TRMT2B: variants seen among roughly 807,000 people sequenced by gnomAD.
TRMT2B encodes the protein tRNA methyltransferase 2B.
In TRMT2B, 34 loss-of-function variants were observed where a neutral mutation model predicts 39.7. That is an observed-to-expected ratio of 0.86 (90% confidence interval 0.65 to 1.14). The LOEUF (loss-of-function observed/expected upper bound fraction) is 1.14. Among genes scored for constraint, TRMT2B ranks in the 50% most tolerant of loss-of-function variants. TRMT2B has a pLI of 0.00. For missense variants in TRMT2B, 318 were observed against 377.2 expected (o/e 0.84, Z 1.30); for synonymous variants, 132 against 137.3 (o/e 0.96, Z 0.27).
chrX:101,046,427 T>C (rs1602691287), intron 2 of TRMT2B, among the ~76,000 whole-genome samples: 1 of 110,979 alleles, frequency 9.0e-6, no homozygotes, highest in South Asian at 3.8e-4. Flanking sequence ...AGTGGGGACA[T>C]ATGAAGGCTT....
At chrX:101,005,497 A>T (rs1005891200), downstream of TRMT2B, among the ~76,000 whole-genome samples, 15 of 111,354 alleles carry the variant, frequency 1.3e-4, no homozygotes, top group African/African-American at 4.9e-4. Flanking sequence ...ATTGAATATA[A>T]AGCAGTGCTA....
At position 101,010,232 on chromosome X, in the gene TRMT2B, T is replaced by A. The variant is rs765095649; in HGVS notation, c.*349A>T. ...TTTGAGACCAGCCTGGCCAACATGG[T>A]GAAACCCTGTCTCTACCAAAAATAC... On this transcript the variant is annotated 3_prime_UTR_variant, in exon 14 of 14. Transcript: ENST00000372936. 5.8e-5 allele frequency: 8 copies of A among 137,246 alleles called. No homozygotes were observed. The highest frequency in any genetic ancestry group is 1.2e-4 in the Non-Finnish European group (8 of 68,973). The allele number at this position is 137,246 out of a possible 1,213,427, so 11.3% of individuals were successfully genotyped here.
intron 7 of TRMT2B, among the ~76,000 whole-genome samples, chrX:101,033,557 T>G (rs2087639438): frequency 1.8e-5 from 2 of 109,357 alleles, no homozygotes; most frequent in Non-Finnish European, 3.8e-5. Flanking sequence ...ATCTCGCCAC[T>G]GCACTACAGC....
At chrX:101,028,378 C>G (rs992023642) in intron 7 of TRMT2B, among the ~76,000 whole-genome samples, 7 of 110,865 alleles carry the variant, frequency 6.3e-5, no homozygotes, top group Non-Finnish European at 1.3e-4. Flanking sequence ...CTCAGCCTCC[C>G]AAAGTGCTGG....
At chrX:100,977,435 C>T in the TRMT2B span, among the ~76,000 whole-genome samples, 543 of 93,675 alleles carry the variant, frequency 5.8e-3, no homozygotes, top group Middle Eastern at 0.032. Context: ...GGCTGGAGTG[C>T]AGTGGCACGA....
chrX:101,013,479 C>T (rs958984071), intron 13 of TRMT2B, among the ~76,000 whole-genome samples: 3 of 110,618 alleles, frequency 2.7e-5, no homozygotes, highest in East Asian at 2.8e-4. Context: ...AGGCTGGGTG[C>T]GGTGGCTCAC....
the TRMT2B span, chrX:100,985,597 T>C: frequency 8.8e-7 from 1 of 1,130,538 alleles, no homozygotes. Context: ...CGGAACCGAC[T>C]CTACTCCTGT....
intron 2 of TRMT2B, among the ~76,000 whole-genome samples, chrX:101,045,872 C>T (rs955691151): frequency 2.8e-5 from 3 of 106,886 alleles, no homozygotes; most frequent in Admixed American, 1.0e-4. Context: ...ACAGGCCAGG[C>T]GCAGTGGCTC....
chrX:101,041,949 T>C lies in TRMT2B; in HGVS notation c.248+93A>G, dbSNP rs749394044. 4.9e-4 allele frequency: 533 copies of C among 1,092,761 alleles called. 2 individuals carry two copies. In the South Asian group the frequency reaches 0.011, roughly 23 times the overall value. The allele number at this position is 1,092,761 out of a possible 1,213,427, so 90.1% of individuals were successfully genotyped here. Reference sequence around the variant, plus strand: ...CCTCAGGTGGCCCCTCAAATCCTTGTAATGCTACATTAGTTACACTAGGAA... The same window carrying C: ...CCTCAGGTGGCCCCTCAAATCCTTGCAATGCTACATTAGTTACACTAGGAA... On this transcript the variant is annotated intron_variant, in intron 3 of 13. Coordinates refer to ENST00000372936, the MANE Select transcript of TRMT2B (RefSeq NM_024917.6).
intron 10 of TRMT2B, among the ~76,000 whole-genome samples, chrX:101,020,792 CCT>C (rs1441935273): frequency 2.7e-5 from 3 of 111,775 alleles, no homozygotes; most frequent in Non-Finnish European, 5.6e-5. Context: ...CTCTCAGCCC[CCT>C]GAGTAGCTAA....
At chrX:101,026,641 A>G (rs1263070589) in intron 7 of TRMT2B, among the ~76,000 whole-genome samples, 3 of 111,168 alleles carry the variant, frequency 2.7e-5, no homozygotes, top group Non-Finnish European at 5.6e-5. Context: ...CTGTTCTTAT[A>G]TGGGAATGCT....
At chrX:101,004,882 T>C (rs1396274992), downstream of TRMT2B, among the ~76,000 whole-genome samples, 2 of 111,367 alleles carry the variant, frequency 1.8e-5, no homozygotes, top group Admixed American at 9.6e-5. Flanking sequence ...AAGAAAAAGT[T>C]AAACATGAAC....
the TRMT2B span, among the ~76,000 whole-genome samples, chrX:101,000,142 TGAA>T: frequency 9.8e-6 from 1 of 102,248 alleles, no homozygotes; most frequent in Non-Finnish European, 2.0e-5. Context: ...TTTTTTGAGA[TGAA>T]GTTTTGCTCT....
At chrX:101,015,963 G>A (rs778095155) in intron 13 of TRMT2B, among the ~76,000 whole-genome samples, 446 of 110,765 alleles carry the variant, frequency 4.0e-3, no homozygotes, top group Non-Finnish European at 5.8e-3. Flanking sequence ...CCAGCTACAT[G>A]GGAGGCTGAG....
At chrX:101,020,703 T>C in intron 10 of TRMT2B, 115 bp from the exon 11 acceptor site, 5 of 596,147 alleles carry the variant, frequency 8.4e-6, no homozygotes, top group Non-Finnish European at 1.4e-5. Context: ...AGGGTCTCAC[T>C]CTGTAGCCTA....
At chrX:101,030,868 A>G (rs1474089176) in intron 7 of TRMT2B, among the ~76,000 whole-genome samples, 1 of 111,488 alleles carries the variant, frequency 9.0e-6, no homozygotes, top group African/African-American at 3.3e-5. Context: ...CTCAGAGAAA[A>G]TAACTCAAGA....
At chrX:101,044,399 G>A (rs1269985118) in intron 2 of TRMT2B, among the ~76,000 whole-genome samples, 1 of 111,944 alleles carries the variant, frequency 8.9e-6, no homozygotes, top group Non-Finnish European at 1.9e-5. Context: ...TTCATTGAGT[G>A]TCTATAAGAA....
chrX:101,024,452 T>C (rs911455499), intron 7 of TRMT2B, among the ~76,000 whole-genome samples: 1 of 111,547 alleles, frequency 9.0e-6, no homozygotes, highest in Non-Finnish European at 1.9e-5. Flanking sequence ...TCCTAGCACT[T>C]TGGGAGGCCA....
chrX:100,979,415 A>G, the TRMT2B span, among the ~76,000 whole-genome samples: 1 of 111,755 alleles, frequency 8.9e-6, no homozygotes, highest in Non-Finnish European at 1.9e-5. Context: ...TCTAGGATAA[A>G]AGTTTTTTTC....
Sources: allele counts gnomAD v4.1 joint callset (sites outside exome capture counted in the v4.1 genomes callset), GRCh38; gene constraint gnomAD v4.1.1; transcripts MANE v1.5; gene names NCBI Gene and HGNC (gene_info 2026-07-23, HGNC 2026-07-21).